The following KLHDC10 variants were observed in gnomAD, a reference collection of about 807,000 sequenced individuals.
KLHDC10 encodes the protein kelch domain containing 10, also known as kelch domain-containing protein 10.
In KLHDC10, 24 loss-of-function variants were observed where a neutral mutation model predicts 56.1. The observed-to-expected ratio is 0.43, with a 90% CI of 0.31 to 0.60. The LOEUF (loss-of-function observed/expected upper bound fraction) is 0.60, where lower values mean the gene tolerates loss of function less well. Ranked by LOEUF, KLHDC10 falls within the 20% of genes least tolerant of loss-of-function variation. The pLI is 0.11. For synonymous variants in KLHDC10, 188 were observed against 207.1 expected, an observed-to-expected ratio of 0.91 and a Z score of 0.79; for missense variants, 349 against 567.0, an observed-to-expected ratio of 0.62 and a Z score of 3.91.
At chr7:130,096,453 T>C (rs1795849085) in intron 1 of KLHDC10, among the ~76,000 whole-genome samples, 1 of 152,176 alleles carries the variant, frequency 6.6e-6, no homozygotes, top group Non-Finnish European at 1.5e-5. Context: ...GCTTATTTCG[T>C]ATTTAAAGAA....
At chr7:130,078,425 A>G (rs370254882) in intron 1 of KLHDC10, among the ~76,000 whole-genome samples, 3 of 152,236 alleles carry the variant, frequency 2.0e-5, no homozygotes, top group African/African-American at 7.2e-5. Context: ...GAGTCTTGCT[A>G]TGTTGCCCAG....
In KLHDC10 at chr7:130,120,316, T is replaced by G. The variant is rs1385593742; in HGVS notation, c.476-433T>G. Among the ~76,000 whole-genome samples, 1 of 152,254 alleles carries G rather than the reference T, an allele frequency of 6.6e-6. No homozygotes were observed. The highest frequency in any genetic ancestry group is 2.4e-5 in the African/African-American group (1 of 41,478). Reference sequence around the variant, plus strand: ...AAATATGTATTGAATACGTCATATATGCCTAGCAATGAACTATGTGATAGA... The same window carrying G: ...AAATATGTATTGAATACGTCATATAGGCCTAGCAATGAACTATGTGATAGA... On this transcript the variant is annotated intron_variant, in intron 3 of 9. Transcript: ENST00000335420. The surrounding 1 kb of genome is among the most constrained non-coding windows in gnomAD (Gnocchi z 5.1).
At chr7:130,105,403 CAAAT>C (rs1325856472) in intron 2 of KLHDC10, among the ~76,000 whole-genome samples, 21 of 152,162 alleles carry the variant, frequency 1.4e-4, no homozygotes, top group Non-Finnish European at 2.9e-5. Flanking sequence ...TATATTCATA[CAAAT>C]AAATAATATT....
intron 1 of KLHDC10, among the ~76,000 whole-genome samples, chr7:130,071,823 T>C (rs1795415325): frequency 6.6e-6 from 1 of 152,214 alleles, no homozygotes. Flanking sequence ...GATGAATTGG[T>C]TTTTATGAAT....
chr7:130,108,846 T>A (rs1204793451), intron 2 of KLHDC10, among the ~76,000 whole-genome samples: 1 of 152,168 alleles, frequency 6.6e-6, no homozygotes, highest in African/African-American at 2.4e-5. Context: ...CCTTCCCCCC[T>A]TTATACACAA....
intron 1 of KLHDC10, among the ~76,000 whole-genome samples, chr7:130,090,564 G>A (rs1258908969): frequency 6.6e-6 from 1 of 151,718 alleles, no homozygotes; most frequent in Admixed American, 6.6e-5. Context: ...CTCTTGCCTG[G>A]GTGACAGAGC....
At chr7:130,110,835 A>T (rs374193350) in intron 2 of KLHDC10, among the ~76,000 whole-genome samples, 2 of 152,340 alleles carry the variant, frequency 1.3e-5, no homozygotes, top group African/African-American at 4.8e-5. Context: ...GCACATCTGT[A>T]GGTGGCTACA....
At chr7:130,128,566 T>G (rs1796343735) in intron 8 of KLHDC10, among the ~76,000 whole-genome samples, 1 of 152,094 alleles carries the variant, frequency 6.6e-6, no homozygotes, top group South Asian at 2.1e-4. Context: ...AGAGCCTCTT[T>G]TGTGTTCCTA....
At chr7:130,073,868 C>T (rs973614762) in intron 1 of KLHDC10, among the ~76,000 whole-genome samples, 5 of 152,156 alleles carry the variant, frequency 3.3e-5, no homozygotes, top group Admixed American at 6.5e-5. Context: ...TTCTTTTACT[C>T]CTGCCATAAC....
At chr7:130,103,450 G>A (rs576473045) in intron 2 of KLHDC10, among the ~76,000 whole-genome samples, 9 of 150,156 alleles carry the variant, frequency 6.0e-5, no homozygotes, top group East Asian at 2.0e-4. Flanking sequence ...GAGTTTTCAC[G>A]TATAAAGGGC....
chr7:130,125,361 G>A (rs1423272619), intron 6 of KLHDC10, among the ~76,000 whole-genome samples: 3 of 152,092 alleles, frequency 2.0e-5, no homozygotes, highest in Non-Finnish European at 4.4e-5. Flanking sequence ...GGCCAACATA[G>A]TGAAACCCCA....
At chr7:130,076,212 A>G (rs973131949) in intron 1 of KLHDC10, among the ~76,000 whole-genome samples, 5 of 152,218 alleles carry the variant, frequency 3.3e-5, no homozygotes, top group Admixed American at 2.6e-4. Flanking sequence ...CAGGAGGCCA[A>G]GCTCTGGCGG....
At chr7:130,081,310 T>TA (rs1795604117) in intron 1 of KLHDC10, among the ~76,000 whole-genome samples, 3 of 149,646 alleles carry the variant, frequency 2.0e-5, no homozygotes, top group African/African-American at 7.4e-5. Flanking sequence ...CTTTTATATA[T>TA]TTTTTTTTGT....
rs1019232861 is a variant in KLHDC10 at position 130,129,334 on chromosome 7, C to T, written c.980-103C>T. On this transcript the variant is annotated intron_variant, in intron 8 of 9. Coordinates refer to ENST00000335420, the MANE Select transcript of KLHDC10 (RefSeq NM_014997.4). ...GTCGTCTGTGTCATGGGGCAATCCA[C>T]TTCACTGGCCGCATGTCAGCTGGCT... 4 of 1,351,568 alleles carry T rather than the reference C, an allele frequency of 3.0e-6. No homozygotes were observed. The Admixed American group carries it at 6.1e-5, about 20-fold the overall frequency. The allele number at this position is 1,351,568 out of a possible 1,614,324, so 83.7% of individuals were successfully genotyped here.
chr7:130,116,745 A>G lies in KLHDC10; in HGVS notation c.475+79A>G. 2 of 1,161,576 alleles carry G rather than the reference A, an allele frequency of 1.7e-6. No individual in the cohort carries two copies. Among genetic ancestry groups the G allele is most frequent in the Non-Finnish European group, 2.6e-6 (2 of 774,676 alleles). 72.0% of individuals were successfully genotyped at this position (1,161,576 alleles called of 1,614,324 possible). A position where few individuals can be genotyped will look rare whatever the true frequency, so the allele number is the denominator to read the frequency against. On this transcript the variant is annotated intron_variant, in intron 3 of 9. Coordinates refer to ENST00000335420, the MANE Select transcript of KLHDC10 (RefSeq NM_014997.4). The surrounding 1 kb of genome is among the most constrained non-coding windows in gnomAD (Gnocchi z 4.8). ...GTTCAATGTCCCATATTCCTCATTA[A>G]TAATTTATAACACTATAATGTGATT...
intron 6 of KLHDC10, among the ~76,000 whole-genome samples, chr7:130,125,451 G>C (rs866824319): frequency 2.6e-5 from 4 of 152,120 alleles, no homozygotes; most frequent in South Asian, 2.1e-4. Flanking sequence ...GCTGAGGCAG[G>C]AGAATTGCTT....
In KLHDC10 at chr7:130,070,775, C is replaced by G; in HGVS notation, c.132C>G (p.Arg44=). 7.6e-7 allele frequency: 1 copy of G among 1,308,448 alleles called. No homozygotes were observed. Among genetic ancestry groups the G allele is most frequent in the Non-Finnish European group, 9.7e-7 (1 of 1,026,346 alleles). The allele number at this position is 1,308,448 out of a possible 1,614,324, so 81.1% of individuals were successfully genotyped here. A position where few individuals can be genotyped will look rare whatever the true frequency, so the allele number is the denominator to read the frequency against. ...GTCGGGGGACTGGCCAGCTCAACCGCTTCGTGCAACTCTCCGGGCGGCCGC... is the reference window on the plus strand; with the variant it reads ...GTCGGGGGACTGGCCAGCTCAACCGGTTCGTGCAACTCTCCGGGCGGCCGC... ...SGGRGTGQLN[R]FVQLSGRPHL... Residue 44 remains arginine (R), a synonymous_variant, in exon 1 of 10, where the codon CGC becomes CGG. Transcript: ENST00000335420.
intron 1 of KLHDC10, among the ~76,000 whole-genome samples, chr7:130,094,489 A>G (rs1180440311): frequency 6.6e-6 from 1 of 152,178 alleles, no homozygotes; most frequent in African/African-American, 2.4e-5. Flanking sequence ...CTTGGAAAAT[A>G]AAGACCATCA....
At chr7:130,082,259 G>A (rs1185817800) in intron 1 of KLHDC10, among the ~76,000 whole-genome samples, 1 of 152,140 alleles carries the variant, frequency 6.6e-6, no homozygotes. Context: ...AAAAGGTTGG[G>A]GCTGTAGTGA....
Sources: gnomAD v4.1 joint callset for allele counts (sites outside exome capture counted in the v4.1 genomes callset) on GRCh38, gnomAD v4.1.1 for gene constraint, Gnocchi (gnomAD v3.1) non-coding constraint, MANE v1.5 for transcripts, NCBI Gene and HGNC (gene_info 2026-07-23, HGNC 2026-07-21) for gene names.